MGMT: variants seen among roughly 807,000 people sequenced by gnomAD.
MGMT encodes methylated-DNA--protein-cysteine methyltransferase.
In MGMT, 14 loss-of-function variants were observed where a neutral mutation model predicts 15.9. The observed-to-expected ratio is 0.88, with a 90% CI of 0.58 to 1.37. The LOEUF (loss-of-function observed/expected upper bound fraction) is 1.37. Ranked by LOEUF, MGMT falls within the 40% of genes most tolerant of loss-of-function variation. MGMT has a pLI of 0.00. For missense variants in MGMT, 282 were observed against 268.1 expected (o/e 1.05, Z -0.36); for synonymous variants, 130 against 118.2 (o/e 1.10, Z -0.65).
chr10:129,676,586 G>A (rs1009454230), intron 2 of MGMT, among the ~76,000 whole-genome samples: 3 of 152,238 alleles, frequency 2.0e-5, no homozygotes, highest in Non-Finnish European at 4.4e-5. Context: ...CATGGAGCCT[G>A]CAGCTGGAAG....
chr10:129,629,915 G>A (rs541385334), intron 2 of MGMT, among the ~76,000 whole-genome samples: 33 of 152,294 alleles, frequency 2.2e-4, no homozygotes, highest in Middle Eastern at 6.8e-3. Flanking sequence ...CAGTTTATTG[G>A]AACAAATATG....
At chr10:129,705,919 C>T (rs540131063) in intron 2 of MGMT, among the ~76,000 whole-genome samples, 24 of 152,180 alleles carry the variant, frequency 1.6e-4, no homozygotes, top group African/African-American at 4.8e-4. Context: ...CACACAGGGC[C>T]GGGCAGACAG....
At chr10:129,647,979 T>C (rs1283130113) in intron 2 of MGMT, among the ~76,000 whole-genome samples, 4 of 152,236 alleles carry the variant, frequency 2.6e-5, no homozygotes, top group South Asian at 2.1e-4. Flanking sequence ...TCCATAAATA[T>C]AGCCATAGGC....
intron 2 of MGMT, among the ~76,000 whole-genome samples, chr10:129,660,798 A>ACG (rs1491075334): frequency 4.0e-5 from 6 of 151,848 alleles, no homozygotes; most frequent in African/African-American, 1.5e-4. Flanking sequence ...ACACACACAC[A>ACG]CGCACACACA....
At position 129,713,570 on chromosome 10, in the gene MGMT, C is replaced by G. The variant is rs187320559; in HGVS notation, c.274+5527C>G. Among the ~76,000 whole-genome samples, 5 of 152,278 alleles carry G rather than the reference C, an allele frequency of 3.3e-5. No homozygotes were observed. The East Asian group carries it at 9.7e-4, about 29-fold the overall frequency. ...CGGGGCCGCCACCAGGAACACTTGT[C>G]ATTTCTACCATGGAGAGGAAAGCCC... On this transcript the variant is annotated intron_variant, in intron 3 of 4. Transcript: ENST00000651593.
chr10:129,540,262 A>C (rs2119767276), intron 2 of MGMT, among the ~76,000 whole-genome samples: 1 of 152,246 alleles, frequency 6.6e-6, no homozygotes, highest in East Asian at 1.9e-4. Context: ...TAATTCATGT[A>C]TTTTTTCCAG....
chr10:129,504,584 T>C (rs1845606671), intron 1 of MGMT, among the ~76,000 whole-genome samples: 1 of 152,170 alleles, frequency 6.6e-6, no homozygotes, highest in Non-Finnish European at 1.5e-5. Flanking sequence ...TGTCGATAGC[T>C]CCCACAACCA....
chr10:129,468,459 C>G, intron 1 of MGMT, among the ~76,000 whole-genome samples: 1 of 152,080 alleles, frequency 6.6e-6, no homozygotes, highest in Middle Eastern at 3.2e-3. Context: ...TGTCTTTCTT[C>G]CTGGGCCCTC....
chr10:129,748,338 G>A (rs1345477552), intron 3 of MGMT, among the ~76,000 whole-genome samples: 1 of 152,120 alleles, frequency 6.6e-6, no homozygotes, highest in Non-Finnish European at 1.5e-5. Context: ...CCATTTGGGA[G>A]ATTGTGCAGT....
intron 1 of MGMT, among the ~76,000 whole-genome samples, chr10:129,511,326 C>A (rs550798782): frequency 6.7e-6 from 1 of 149,292 alleles, no homozygotes; most frequent in South Asian, 2.1e-4. Flanking sequence ...GTGATGAGAA[C>A]CCCGTATACC....
intron 3 of MGMT, among the ~76,000 whole-genome samples, chr10:129,716,162 T>C (rs1406022126): frequency 6.6e-6 from 1 of 152,190 alleles, no homozygotes; most frequent in African/African-American, 2.4e-5. Flanking sequence ...AAGTCCTTTT[T>C]TGAAAGCTCT....
chr10:129,727,877 G>T (rs1227208738), intron 3 of MGMT, among the ~76,000 whole-genome samples: 2 of 152,206 alleles, frequency 1.3e-5, no homozygotes, highest in Non-Finnish European at 2.9e-5. Flanking sequence ...AGACTTTGAG[G>T]TAGATGGGAT....
At position 129,770,888 on chromosome 10, in the gene MGMT, A is replaced by T. The variant is rs60262626; in HGVS notation, c.*3891A>T. On this transcript the variant is annotated 3_prime_UTR_variant, in exon 5 of 5. Coordinates refer to ENST00000651593, the MANE Select transcript of MGMT (RefSeq NM_002412.5). Reference sequence around the variant, plus strand: ...CAAGGCCCTGGGGTGGGGGATTTAAATTTTTGGCTTCCCTCAGACCTCAGA... The same window carrying T: ...CAAGGCCCTGGGGTGGGGGATTTAATTTTTTGGCTTCCCTCAGACCTCAGA... Among the ~76,000 whole-genome samples, 1 of 151,856 alleles carries T rather than the reference A, an allele frequency of 6.6e-6. No individual in the cohort carries two copies. Among genetic ancestry groups the T allele is most frequent in the African/African-American group, 2.4e-5 (1 of 41,356 alleles).
intron 2 of MGMT, among the ~76,000 whole-genome samples, chr10:129,596,560 G>T (rs552677493): frequency 2.0e-5 from 3 of 152,160 alleles, no homozygotes; most frequent in Non-Finnish European, 4.4e-5. Context: ...GCTGCACCTG[G>T]GCGGGGGACA....
At chr10:129,498,348 G>C (rs1845543463) in intron 1 of MGMT, among the ~76,000 whole-genome samples, 1 of 152,164 alleles carries the variant, frequency 6.6e-6, no homozygotes, top group Admixed American at 6.5e-5. Context: ...TTCTGCTCAG[G>C]CTTTCACCCA....
At chr10:129,527,987 T>A (rs1258175752) in intron 1 of MGMT, among the ~76,000 whole-genome samples, 1 of 152,020 alleles carries the variant, frequency 6.6e-6, no homozygotes, top group African/African-American at 2.4e-5. Context: ...CCCTTCTCTC[T>A]CAGCACCTCC....
intron 4 of MGMT, among the ~76,000 whole-genome samples, chr10:129,760,599 G>C (rs970032938): frequency 1.3e-5 from 2 of 152,226 alleles, no homozygotes; most frequent in Non-Finnish European, 2.9e-5. Context: ...CCTGCTGCCC[G>C]CTGCAGCAGC....
At chr10:129,630,857 G>C (rs1304216314) in intron 2 of MGMT, among the ~76,000 whole-genome samples, 2 of 152,214 alleles carry the variant, frequency 1.3e-5, no homozygotes, top group Non-Finnish European at 2.9e-5. Flanking sequence ...ACATGGCCAG[G>C]CTGCTTCCGA....
chr10:129,481,931 CT>C (rs1845362579), intron 1 of MGMT, among the ~76,000 whole-genome samples: 1 of 152,142 alleles, frequency 6.6e-6, no homozygotes, highest in Non-Finnish European at 1.5e-5. Context: ...TTTATTATTG[CT>C]TTCTTGTGCT....
Sources: gnomAD v4.1 joint callset for allele counts (sites outside exome capture counted in the v4.1 genomes callset) on GRCh38, gnomAD v4.1.1 for gene constraint, MANE v1.5 for transcripts, NCBI Gene and HGNC (gene_info 2026-07-23, HGNC 2026-07-21) for gene names.